SPATA16: variants seen among roughly 807,000 people sequenced by gnomAD.
SPATA16 encodes the protein spermatogenesis associated 16, also known as spermatogenesis-associated protein 16.
Under a neutral mutation model 63.3 loss-of-function variants are expected in SPATA16, and 36 were observed. The ratio of observed to expected loss-of-function variants is 0.57; its 90% CI spans 0.44 to 0.75. The LOEUF (loss-of-function observed/expected upper bound fraction) is 0.75, where lower values mean the gene tolerates loss of function less well. SPATA16 is among the 30% of genes least tolerant of loss of function. The pLI is 0.00. For missense variants in SPATA16, 646 were observed against 679.3 expected (o/e 0.95, Z 0.54); for synonymous variants, 203 against 216.7 (o/e 0.94, Z 0.56).
intron 4 of SPATA16, among the ~76,000 whole-genome samples, chr3:173,001,193 T>C (rs1734815076): frequency 6.6e-6 from 1 of 151,794 alleles, no homozygotes; most frequent in Admixed American, 6.6e-5. Context: ...GTAGGGGAAT[T>C]GTTCTATAAT....
chr3:172,905,166 G>A (rs1305864857), intron 10 of SPATA16, among the ~76,000 whole-genome samples: 1 of 152,050 alleles, frequency 6.6e-6, no homozygotes, highest in Non-Finnish European at 1.5e-5. Flanking sequence ...AGGAATTTGG[G>A]GATATGCTAA....
At chr3:173,084,491 T>G (rs999603556) in intron 2 of SPATA16, among the ~76,000 whole-genome samples, 2 of 152,224 alleles carry the variant, frequency 1.3e-5, no homozygotes, top group South Asian at 2.1e-4. Context: ...TGATGATAGT[T>G]TCTTTTGCTG....
chr3:173,032,922 T>G (rs1040614458), intron 3 of SPATA16, among the ~76,000 whole-genome samples: 1 of 152,144 alleles, frequency 6.6e-6, no homozygotes, highest in African/African-American at 2.4e-5. Flanking sequence ...CAACATTTCC[T>G]CAAGAGCCTC....
At chr3:173,101,186 G>C (rs928074712) in intron 2 of SPATA16, among the ~76,000 whole-genome samples, 1 of 152,060 alleles carries the variant, frequency 6.6e-6, no homozygotes, top group Admixed American at 6.6e-5. Flanking sequence ...GACCTCACCT[G>C]GCCTAGATCA....
chr3:172,893,188 T>C (rs902854600), intron 10 of SPATA16, among the ~76,000 whole-genome samples: 3 of 152,204 alleles, frequency 2.0e-5, no homozygotes, highest in Admixed American at 6.5e-5. Context: ...CCCAGTACTT[T>C]AGAATGTGGC....
intron 5 of SPATA16, among the ~76,000 whole-genome samples, chr3:172,959,730 A>G (rs747907059): frequency 1.3e-5 from 2 of 150,164 alleles, no homozygotes; most frequent in Admixed American, 1.3e-4. Context: ...GAGACAGACA[A>G]TCTTGAGGCT....
intron 3 of SPATA16, among the ~76,000 whole-genome samples, chr3:173,032,622 A>G (rs1735631282): frequency 6.6e-6 from 1 of 152,170 alleles, no homozygotes; most frequent in Non-Finnish European, 1.5e-5. Flanking sequence ...GAGTATTACC[A>G]GTTAACATGC....
chr3:173,140,107 T>G (rs1231395313), intron 1 of SPATA16, among the ~76,000 whole-genome samples: 1 of 152,240 alleles, frequency 6.6e-6, no homozygotes, highest in Non-Finnish European at 1.5e-5. Context: ...TTGGTTGCTT[T>G]CTTTTAGTCA....
intron 2 of SPATA16, among the ~76,000 whole-genome samples, chr3:173,074,992 C>CA (rs35683679): frequency 0.018 from 1,205 of 66,092 alleles, 4 homozygotes; most frequent in Middle Eastern, 0.043. Flanking sequence ...GACTCTATCT[C>CA]AAAAAAAAAA....
chr3:172,970,201 C>A (rs975208307), intron 5 of SPATA16, among the ~76,000 whole-genome samples: 1 of 152,142 alleles, frequency 6.6e-6, no homozygotes, highest in African/African-American at 2.4e-5. Flanking sequence ...TTCTCCTGCT[C>A]CGTGATGCCT....
intron 2 of SPATA16, among the ~76,000 whole-genome samples, chr3:173,074,568 G>A (rs1328395273): frequency 6.6e-6 from 1 of 152,102 alleles, no homozygotes; most frequent in Non-Finnish European, 1.5e-5. Flanking sequence ...CACCATGATT[G>A]TGAGACCCCT....
intron 5 of SPATA16, among the ~76,000 whole-genome samples, chr3:172,963,950 C>G (rs1021533420): frequency 6.6e-6 from 1 of 152,142 alleles, no homozygotes; most frequent in East Asian, 1.9e-4. Flanking sequence ...AGTATAAGAT[C>G]AAGTTTTGAT....
At chr3:172,953,148 T>C (rs758742092) in intron 6 of SPATA16, among the ~76,000 whole-genome samples, 22 of 152,154 alleles carry the variant, frequency 1.4e-4, no homozygotes, top group Non-Finnish European at 2.4e-4. Flanking sequence ...CCAATATTCA[T>C]GCTGAAGTAT....
intron 2 of SPATA16, among the ~76,000 whole-genome samples, chr3:173,110,862 T>C (rs1737734416): frequency 6.6e-6 from 1 of 152,220 alleles, no homozygotes; most frequent in Non-Finnish European, 1.5e-5. Flanking sequence ...GAGAACCTAC[T>C]AGTGGTTTGG....
In SPATA16 at chr3:172,944,377, T is replaced by A. The variant is rs189477836; in HGVS notation, c.1081+12300A>T. ...AAAATAGCAAGTGTTGATGAGGACA[T>A]GGGGAAATTGGAACACTCGTGCACT... is the stretch of plus-strand genomic sequence containing the variant. On this transcript the variant is annotated intron_variant, in intron 6 of 10. Coordinates refer to ENST00000351008, the MANE Select transcript of SPATA16 (RefSeq NM_031955.6). 2.4e-4 allele frequency among the ~76,000 whole-genome samples: 37 copies of A among 152,272 alleles called. No individual in the cohort carries two copies. The East Asian group carries it at 6.2e-3, about 25-fold the overall frequency.
chr3:173,028,009 C>T lies in SPATA16; in HGVS notation c.759-8434G>A, dbSNP rs1348641755. Among the ~76,000 whole-genome samples, 222 of 43,300 alleles carry T rather than the reference C, an allele frequency of 5.1e-3. 3 individuals are homozygous for T. The highest frequency in any genetic ancestry group is 0.041 in the African/African-American group (196 of 4,762). The allele number at this position is 43,300 out of a possible 152,430, so 28.4% of individuals were successfully genotyped here. ...TCCCTCCCTCCCTCCCTCCCTCCCT[C>T]CCTCCCTTCCTTCTTTCCTTCCTTC... On this transcript the variant is annotated intron_variant, in intron 3 of 10. Transcript: ENST00000351008.
chr3:173,065,093 A>C (rs897476916), intron 2 of SPATA16, among the ~76,000 whole-genome samples: 4 of 152,222 alleles, frequency 2.6e-5, no homozygotes, highest in Admixed American at 2.0e-4. Context: ...AGGAGTTATT[A>C]CGTTAACAAA....
chr3:172,979,192 G>T (rs538417867), intron 4 of SPATA16, among the ~76,000 whole-genome samples: 2 of 151,884 alleles, frequency 1.3e-5, no homozygotes, highest in Admixed American at 1.3e-4. Flanking sequence ...AGCCGAGATC[G>T]CGCCACTGCA....
Position 172,924,269 on chromosome 3 carries a change from A to G in SPATA16, c.1277T>C (p.Met426Thr). 2 of 1,613,494 alleles carry G rather than the reference A, an allele frequency of 1.2e-6. No homozygotes were observed. The highest frequency in any genetic ancestry group is 1.7e-6 in the Non-Finnish European group (2 of 1,179,710). ...CAAGATTCGCTTCCCCATTGTCTCCATTTGCCTCACTGTATCTTCTCTGGT... is the reference window on the plus strand; with the variant it reads ...CAAGATTCGCTTCCCCATTGTCTCCGTTTGCCTCACTGTATCTTCTCTGGT... The part of the protein sequence containing the change: ...GLTREDTVRQ[M>T]ETMGKRILPI... The change falls in exon 8 of 11, where the codon ATG becomes ACG. Residue 426 changes from methionine (M) to threonine (T), a missense_variant. Coordinates refer to ENST00000351008, the MANE Select transcript of SPATA16 (RefSeq NM_031955.6).
Sources: gnomAD v4.1 joint callset for allele counts (sites outside exome capture counted in the v4.1 genomes callset) on GRCh38, gnomAD v4.1.1 for gene constraint, MANE v1.5 for transcripts, NCBI Gene and HGNC (gene_info 2026-07-23, HGNC 2026-07-21) for gene names.